The following RBFOX1 variants were observed in gnomAD, a reference collection of about 807,000 sequenced individuals.
RBFOX1 encodes RNA binding protein fox-1 homolog 1.
A neutral mutation model predicts 57.7 loss-of-function variants in RBFOX1; 8 were observed. The ratio of observed to expected loss-of-function variants is 0.14; its 90% confidence interval spans 0.08 to 0.25. RBFOX1 has a LOEUF of 0.25. Among genes scored for constraint, RBFOX1 ranks in the 10% least tolerant of loss-of-function variants. The pLI is 1.00. For missense variants in RBFOX1, 611 were observed against 548.5 expected, an observed-to-expected ratio of 1.11 and a Z score of -1.14; for synonymous variants, 326 against 222.4, an observed-to-expected ratio of 1.47 and a Z score of -4.15.
At chr16:6,891,542 T>C (rs1235386261) in intron 3 of RBFOX1, among the ~76,000 whole-genome samples, 3 of 152,126 alleles carry the variant, frequency 2.0e-5, no homozygotes, top group Admixed American at 1.3e-4. Context: ...GCCTTATTTA[T>C]TAGTCTGTGA....
chr16:6,419,662 A>G (rs866426431), intron 2 of RBFOX1, among the ~76,000 whole-genome samples: 1 of 152,170 alleles, frequency 6.6e-6, no homozygotes, highest in Non-Finnish European at 1.5e-5. Flanking sequence ...CCACCTGTAC[A>G]TCTGGGATAC....
At chr16:6,150,433 A>G (rs1256245832) in intron 1 of RBFOX1, among the ~76,000 whole-genome samples, 1 of 152,070 alleles carries the variant, frequency 6.6e-6, no homozygotes, top group Non-Finnish European at 1.5e-5. Flanking sequence ...GTGGAGCTCT[A>G]CTTCTGGAAA....
At chr16:7,225,424 C>G (rs562221683) in intron 4 of RBFOX1, among the ~76,000 whole-genome samples, 8 of 152,084 alleles carry the variant, frequency 5.3e-5, no homozygotes, top group Admixed American at 4.6e-4. Flanking sequence ...TCTCTCTTGT[C>G]TGCCACCACA....
At chr16:6,240,583 C>G (rs1440692859) in intron 1 of RBFOX1, among the ~76,000 whole-genome samples, 1 of 152,058 alleles carries the variant, frequency 6.6e-6, no homozygotes, top group East Asian at 1.9e-4. Flanking sequence ...CAAACCCCTA[C>G]TGAAACTTCA....
chr16:6,768,526 T>G (rs111631523), intron 3 of RBFOX1, among the ~76,000 whole-genome samples: 51 of 152,082 alleles, frequency 3.4e-4, no homozygotes, highest in African/African-American at 1.1e-3. Context: ...GTATCTATTT[T>G]CTATACATTG....
intron 1 of RBFOX1, among the ~76,000 whole-genome samples, chr16:5,446,589 G>C (rs1036653993): frequency 6.6e-6 from 1 of 152,152 alleles, no homozygotes; most frequent in African/African-American, 2.4e-5. Flanking sequence ...TTTAACAGGA[G>C]GGTGGCTTGA....
chr16:5,564,934 A>T (rs937816777), intron 2 of RBFOX1, among the ~76,000 whole-genome samples: 2 of 152,084 alleles, frequency 1.3e-5, no homozygotes, highest in African/African-American at 4.8e-5. Flanking sequence ...CTTGGCAGCC[A>T]CGTGTAGTTT....
intron 1 of RBFOX1, among the ~76,000 whole-genome samples, chr16:6,119,926 C>T (rs568821964): frequency 1.3e-5 from 2 of 152,322 alleles, no homozygotes; most frequent in East Asian, 1.9e-4. Context: ...ATCCAGTAAG[C>T]AGTCACTCTT....
At chr16:5,762,100 C>G (rs966430663) in intron 3 of RBFOX1, among the ~76,000 whole-genome samples, 1 of 152,232 alleles carries the variant, frequency 6.6e-6, no homozygotes, top group South Asian at 2.1e-4. Flanking sequence ...ATGAATTTTC[C>G]TGCAAAACCA....
chr16:6,491,968 G>A (rs894888768), intron 2 of RBFOX1, among the ~76,000 whole-genome samples: 2 of 152,154 alleles, frequency 1.3e-5, no homozygotes, highest in Non-Finnish European at 2.9e-5. Flanking sequence ...AATTATGCAA[G>A]TGGCTGGATA....
chr16:6,982,019 G>T (rs1037865015), intron 3 of RBFOX1, among the ~76,000 whole-genome samples: 6 of 152,098 alleles, frequency 3.9e-5, no homozygotes, highest in Non-Finnish European at 7.3e-5. Context: ...TTGAACCCTC[G>T]TGTTTTACCT....
intron 2 of RBFOX1, among the ~76,000 whole-genome samples, chr16:6,370,993 G>A (rs2090354407): frequency 1.3e-5 from 2 of 152,094 alleles, no homozygotes; most frequent in African/African-American, 4.8e-5. Context: ...GATCCCAGTT[G>A]GGGTGTGCAT....
rs575287801 is a variant in RBFOX1 at position 7,254,157 on chromosome 16, G to C, written c.27+202059G>C. Among the ~76,000 whole-genome samples, 24 of 152,232 alleles carry C rather than the reference G, an allele frequency of 1.6e-4. No individual in the cohort carries two copies. In the South Asian group the frequency reaches 3.7e-3, roughly 24 times the overall value. ...TGACCCCCTTGTTTGTCAATGAGAA[G>C]ACCAATGAGAAAAGAAATGAAATAG... On this transcript the variant is annotated intron_variant, in intron 4 of 15. Transcript: ENST00000550418.
chr16:5,793,964 A>G (rs1381459514), intron 3 of RBFOX1, among the ~76,000 whole-genome samples: 2 of 152,304 alleles, frequency 1.3e-5, no homozygotes, highest in Admixed American at 6.5e-5. Flanking sequence ...GAGAGTTAAT[A>G]TGTAAAATCA....
At chr16:7,536,687 G>A (rs77410455) in intron 5 of RBFOX1, among the ~76,000 whole-genome samples, 9,743 of 152,326 alleles carry the variant, frequency 0.064, 498 homozygotes, top group East Asian at 0.22. Flanking sequence ...GTGGAAACAA[G>A]ATGCAGGGGC....
At chr16:5,815,892 C>A (rs1020503733) in intron 3 of RBFOX1, among the ~76,000 whole-genome samples, 7 of 152,156 alleles carry the variant, frequency 4.6e-5, no homozygotes, top group South Asian at 2.1e-4. Flanking sequence ...CTGGGGGCTG[C>A]GTTAGGTTTG....
At chr16:7,034,608 A>G (rs998123467) in intron 3 of RBFOX1, among the ~76,000 whole-genome samples, 3 of 151,840 alleles carry the variant, frequency 2.0e-5, no homozygotes, top group African/African-American at 4.8e-5. Flanking sequence ...ATCCCTGGCA[A>G]TGTTTTTGTG....
chr16:5,846,223 T>C (rs1597469322), intron 3 of RBFOX1, among the ~76,000 whole-genome samples: 1 of 147,518 alleles, frequency 6.8e-6, no homozygotes. Flanking sequence ...AGTAAGAAAA[T>C]GCACAGGAAG....
intron 4 of RBFOX1, among the ~76,000 whole-genome samples, chr16:7,404,836 C>T (rs1013140523): frequency 1.3e-5 from 2 of 152,154 alleles, no homozygotes; most frequent in Non-Finnish European, 2.9e-5. Context: ...CAGATGTGGG[C>T]TCTCCTGGAA....
Sources: gnomAD v4.1 joint callset for allele counts (sites outside exome capture counted in the v4.1 genomes callset) on GRCh38, gnomAD v4.1.1 for gene constraint, MANE v1.5 for transcripts, NCBI Gene and HGNC (gene_info 2026-07-23, HGNC 2026-07-21) for gene names.